SLC24A2: variants seen among roughly 807,000 people sequenced by gnomAD.
SLC24A2 encodes solute carrier family 24 member 2.
A neutral mutation model predicts 62.0 loss-of-function variants in SLC24A2; 36 were observed. The ratio of observed to expected loss-of-function variants is 0.58; its 90% CI spans 0.44 to 0.77. SLC24A2 has a LOEUF of 0.77. Among genes scored for constraint, SLC24A2 ranks in the 30% least tolerant of loss-of-function variants. The pLI is 0.00. For synonymous variants in SLC24A2, 358 were observed against 294.0 expected, an observed-to-expected ratio of 1.22 and a Z score of -2.23; for missense variants, 846 against 817.9, an observed-to-expected ratio of 1.03 and a Z score of -0.42.
chr9:20,128,765 G>C, the SLC24A2 span, among the ~76,000 whole-genome samples: 7 of 152,022 alleles, frequency 4.6e-5, no homozygotes, highest in Non-Finnish European at 8.8e-5. Context: ...ACATGCAAAA[G>C]AATGAAGTTT....
the SLC24A2 span, among the ~76,000 whole-genome samples, chr9:20,009,949 T>C: frequency 6.6e-6 from 1 of 152,022 alleles, no homozygotes; most frequent in East Asian, 1.9e-4. Context: ...AACCTTGGAG[T>C]CCATTGCATG....
chr9:19,658,464 C>T (rs1417060932), intron 2 of SLC24A2, among the ~76,000 whole-genome samples: 1 of 152,198 alleles, frequency 6.6e-6, no homozygotes, highest in East Asian at 1.9e-4. Context: ...CATAATAAAA[C>T]AATAGCTAAC....
intron 7 of SLC24A2, among the ~76,000 whole-genome samples, chr9:19,563,485 A>G (rs1474745272): frequency 1.3e-5 from 2 of 152,164 alleles, no homozygotes; most frequent in Non-Finnish European, 2.9e-5. Context: ...TACTAAGGAT[A>G]ATATTTTAGG....
intron 2 of SLC24A2, among the ~76,000 whole-genome samples, chr9:19,660,180 G>A (rs1020116636): frequency 2.6e-5 from 4 of 152,142 alleles, no homozygotes; most frequent in South Asian, 2.1e-4. Flanking sequence ...TCCTGCCCTA[G>A]GGAAGCAGGT....
At chr9:19,920,335 A>G in the SLC24A2 span, among the ~76,000 whole-genome samples, 1 of 152,316 alleles carries the variant, frequency 6.6e-6, no homozygotes, top group Non-Finnish European at 1.5e-5. Flanking sequence ...TAGTTTTTGG[A>G]CAATTTTCAT....
chr9:19,962,142 C>T, the SLC24A2 span, among the ~76,000 whole-genome samples: 10 of 152,198 alleles, frequency 6.6e-5, no homozygotes, highest in Non-Finnish European at 1.5e-4. Context: ...CTTTTATGGA[C>T]TGCTCATTAT....
chr9:19,531,960 G>T (rs1008602703), intron 8 of SLC24A2, among the ~76,000 whole-genome samples: 2 of 152,178 alleles, frequency 1.3e-5, no homozygotes, highest in African/African-American at 4.8e-5. Flanking sequence ...ATATAGTCAT[G>T]CCCTTGTATT....
chr9:19,904,383 A>G, the SLC24A2 span, among the ~76,000 whole-genome samples: 7 of 152,344 alleles, frequency 4.6e-5, no homozygotes, highest in South Asian at 1.4e-3. Flanking sequence ...GAGAAGCAAA[A>G]GACAGGGGAG....
the SLC24A2 span, among the ~76,000 whole-genome samples, chr9:20,000,634 G>T: frequency 1.8e-4 from 27 of 152,212 alleles, no homozygotes; most frequent in African/African-American, 6.5e-4. Context: ...CTCTTCTCCC[G>T]CAGTCTCCAT....
At chr9:19,749,114 C>T (rs1483596575) in intron 2 of SLC24A2, among the ~76,000 whole-genome samples, 3 of 149,208 alleles carry the variant, frequency 2.0e-5, no homozygotes, top group African/African-American at 7.4e-5. Flanking sequence ...ACCCAAGTTA[C>T]CTCTCTTTTT....
Position 19,555,913 on chromosome 9 carries a change from C to G in SLC24A2, c.1348-5645G>C, listed in dbSNP as rs938753953. 3.5e-4 allele frequency among the ~76,000 whole-genome samples: 53 copies of G among 152,152 alleles called. 1 individual carries two copies. The highest frequency in any genetic ancestry group is 1.1e-3 in the African/African-American group (47 of 41,428). ...TGAACTGAGATCTTGCCACTGCACT[C>G]TAGCCTGGCAACACAGACTCCATCT... On this transcript the variant is annotated intron_variant, in intron 7 of 10. Transcript: ENST00000341998.
At chr9:19,579,760 G>C (rs1052663606) in intron 5 of SLC24A2, among the ~76,000 whole-genome samples, 5 of 152,128 alleles carry the variant, frequency 3.3e-5, no homozygotes, top group African/African-American at 1.2e-4. Flanking sequence ...ATAGAAACAA[G>C]CTAATGACAT....
At chr9:19,568,925 T>C (rs74431054) in intron 7 of SLC24A2, among the ~76,000 whole-genome samples, 2,526 of 152,290 alleles carry the variant, frequency 0.017, 73 homozygotes, top group African/African-American at 0.054. Context: ...CAAGCAAATG[T>C]TTATATGCTA....
intron 5 of SLC24A2, among the ~76,000 whole-genome samples, chr9:19,592,772 T>C (rs938870234): frequency 2.0e-5 from 3 of 152,184 alleles, no homozygotes; most frequent in Admixed American, 6.5e-5. Flanking sequence ...AAGAATGGTA[T>C]GAAATTTGGG....
the SLC24A2 span, among the ~76,000 whole-genome samples, chr9:20,068,330 G>T: frequency 5.3e-5 from 8 of 152,094 alleles, no homozygotes; most frequent in South Asian, 1.5e-3. Flanking sequence ...CCAAAGTGCC[G>T]GAATTACAGG....
chr9:20,258,208 T>G, the SLC24A2 span, among the ~76,000 whole-genome samples: 28 of 152,332 alleles, frequency 1.8e-4, no homozygotes, highest in Admixed American at 1.0e-3. Context: ...TATGTGTGAT[T>G]ATCAATTTTG....
chr9:20,263,298 G>C, the SLC24A2 span, among the ~76,000 whole-genome samples: 1 of 152,152 alleles, frequency 6.6e-6, no homozygotes, highest in Non-Finnish European at 1.5e-5. Flanking sequence ...TGTTGCCCAG[G>C]CTGGCCTTCA....
At chr9:19,900,621 T>C in the SLC24A2 span, among the ~76,000 whole-genome samples, 1 of 152,230 alleles carries the variant, frequency 6.6e-6, no homozygotes, top group Non-Finnish European at 1.5e-5. Context: ...AGGATAATTG[T>C]TATAATTAAA....
chr9:20,270,828 T>C, the SLC24A2 span, among the ~76,000 whole-genome samples: 2 of 152,264 alleles, frequency 1.3e-5, no homozygotes, highest in Admixed American at 1.3e-4. Flanking sequence ...AATAAAAATT[T>C]GAAAGCTGAT....
Sources: gnomAD v4.1 joint callset for allele counts (sites outside exome capture counted in the v4.1 genomes callset) on GRCh38, gnomAD v4.1.1 for gene constraint, MANE v1.5 for transcripts, NCBI Gene and HGNC (gene_info 2026-07-23, HGNC 2026-07-21) for gene names.